LMBRD1: variants seen among roughly 807,000 people sequenced by gnomAD.
The protein encoded by LMBRD1 is lysosomal cobalamin transport escort protein LMBD1.
A neutral mutation model predicts 74.8 loss-of-function variants in LMBRD1; 64 were observed. The observed-to-expected ratio is 0.86, with a 90% CI of 0.70 to 1.05. LMBRD1 has a LOEUF of 1.05. Among genes scored for constraint, LMBRD1 ranks in the 50% least tolerant of loss-of-function variants. LMBRD1 has a pLI of 0.00. For synonymous variants in LMBRD1, 204 were observed against 216.3 expected (o/e 0.94, Z 0.50); for missense variants, 652 against 645.9 (o/e 1.01, Z -0.10).
At chr6:69,759,530 A>C (rs1765334743) in intron 3 of LMBRD1, among the ~76,000 whole-genome samples, 1 of 152,160 alleles carries the variant, frequency 6.6e-6, no homozygotes, top group East Asian at 1.9e-4. Flanking sequence ...AAATTAGTTT[A>C]AGTATAATCT....
chr6:69,795,234 T>A (rs977844536), intron 1 of LMBRD1, among the ~76,000 whole-genome samples: 1 of 152,250 alleles, frequency 6.6e-6, no homozygotes, highest in Non-Finnish European at 1.5e-5. Flanking sequence ...CAACATTCAA[T>A]TCTGATTTTA....
At chr6:69,719,831 T>C (rs1294413443) in intron 7 of LMBRD1, among the ~76,000 whole-genome samples, 1 of 152,206 alleles carries the variant, frequency 6.6e-6, no homozygotes, top group Non-Finnish European at 1.5e-5. Flanking sequence ...TACTACATTA[T>C]GTACTTAAAT....
intron 7 of LMBRD1, among the ~76,000 whole-genome samples, chr6:69,733,500 T>C (rs1188641999): frequency 6.6e-6 from 1 of 152,242 alleles, no homozygotes; most frequent in Admixed American, 6.5e-5. Context: ...GGCTCATTTT[T>C]ACAGATGGGG....
intron 9 of LMBRD1, among the ~76,000 whole-genome samples, chr6:69,710,489 T>C (rs1226199925): frequency 6.6e-6 from 1 of 152,106 alleles, no homozygotes; most frequent in Non-Finnish European, 1.5e-5. Flanking sequence ...TATAAATTAA[T>C]ATTCATCAAA....
chr6:69,789,037 T>G (rs545692315), intron 2 of LMBRD1, among the ~76,000 whole-genome samples: 2 of 152,230 alleles, frequency 1.3e-5, no homozygotes, highest in Non-Finnish European at 2.9e-5. Context: ...GTCTGACACA[T>G]AGCAAATATT....
chr6:69,711,801 C>G (rs949711965), intron 9 of LMBRD1, among the ~76,000 whole-genome samples: 6 of 152,060 alleles, frequency 3.9e-5, no homozygotes, highest in African/African-American at 1.4e-4. Context: ...ACCTGACTGA[C>G]TCATCTTTGA....
intron 1 of LMBRD1, among the ~76,000 whole-genome samples, chr6:69,794,359 C>A (rs150302152): frequency 1.3e-5 from 2 of 152,250 alleles, no homozygotes; most frequent in East Asian, 3.9e-4. Context: ...GAAATTCAAC[C>A]CTTGACTCTT....
chr6:69,692,466 T>C (rs918412168), intron 14 of LMBRD1, among the ~76,000 whole-genome samples: 2 of 152,096 alleles, frequency 1.3e-5, no homozygotes, highest in Non-Finnish European at 2.9e-5. Flanking sequence ...GAAATAAAAA[T>C]TTAGGTTAAT....
intron 7 of LMBRD1, among the ~76,000 whole-genome samples, chr6:69,722,110 C>T (rs1256834391): frequency 2.6e-5 from 4 of 152,138 alleles, no homozygotes; most frequent in South Asian, 2.1e-4. Flanking sequence ...TCAGTAGAAA[C>T]CTTACAGGCC....
At position 69,699,152 on chromosome 6, in the gene LMBRD1, A is replaced by G. The variant is rs527448701; in HGVS notation, c.1229T>C (p.Leu410Pro). 3.1e-6 allele frequency: 5 copies of G among 1,611,876 alleles called. No homozygotes were observed. Among genetic ancestry groups the G allele is most frequent in the Non-Finnish European group, 4.2e-6 (5 of 1,178,336 alleles). The change falls in exon 13 of 16, where the codon CTC (leucine) becomes CCC (proline). Residue 410 changes from leucine to proline, a missense_variant. Coordinates refer to ENST00000649934, the MANE Select transcript of LMBRD1 (RefSeq NM_018368.4). Reference sequence around the variant, plus strand: ...CAGAAGTATCATGCAGAGAAAAAGGAGTGCTTGGGGCCTGGTTCTACCTCT... The same window carrying G: ...CAGAAGTATCATGCAGAGAAAAAGGGGTGCTTGGGGCCTGGTTCTACCTCT... ...IRRGRTRPQA[L>P]LFLCMILLLI... is the part of the protein sequence containing the mutation.
At chr6:69,734,219 C>T (rs1293713398) in intron 7 of LMBRD1, among the ~76,000 whole-genome samples, 1 of 152,120 alleles carries the variant, frequency 6.6e-6, no homozygotes, top group Non-Finnish European at 1.5e-5. Context: ...CCCCTCTCTA[C>T]CTATTTAGCA....
chr6:69,763,767 A>G (rs1765421422), intron 3 of LMBRD1, among the ~76,000 whole-genome samples: 1 of 152,204 alleles, frequency 6.6e-6, no homozygotes, highest in African/African-American at 2.4e-5. Flanking sequence ...CATAGGGTCA[A>G]ACCAAAGAAG....
intron 14 of LMBRD1, 139 bp downstream of exon 14, chr6:69,697,424 A>G (rs77900614): frequency 1.5e-6 from 1 of 652,592 alleles, no homozygotes; most frequent in Admixed American, 2.3e-5. Flanking sequence ...ATTCTACTGA[A>G]GAGATTTACC....
chr6:69,755,052 C>A (rs1262026573), intron 3 of LMBRD1, among the ~76,000 whole-genome samples: 1 of 152,158 alleles, frequency 6.6e-6, no homozygotes, highest in African/African-American at 2.4e-5. Context: ...ACCAGAAATA[C>A]CATTTGACCC....
chr6:69,724,180 C>A (rs1327496716), intron 7 of LMBRD1, among the ~76,000 whole-genome samples: 3 of 151,330 alleles, frequency 2.0e-5, no homozygotes, highest in Non-Finnish European at 4.4e-5. Context: ...TAAAAGCCTC[C>A]CAATAAAGGA....
intron 1 of LMBRD1, 106 bp downstream of exon 1, chr6:69,796,707 G>A: frequency 1.9e-6 from 2 of 1,042,588 alleles, no homozygotes; most frequent in South Asian, 1.3e-5. Flanking sequence ...TAAAAGCGGG[G>A]CGGGGCGAAG....
chr6:69,737,959 C>A lies in LMBRD1; in HGVS notation c.619G>T (p.Ala207Ser), dbSNP rs768776681. 7 of 1,610,720 alleles carry A rather than the reference C, an allele frequency of 4.3e-6. No homozygotes were observed. The South Asian group carries it at 7.7e-5, about 18-fold the overall frequency. ...TCACTTACTGTGTAAGTTATAGCTG[C>A]CAACATTCCAATCAAGGTCAGAGAA... ...ISSLTLIGML[A>S]AITYTAYGMS... The change falls in exon 7 of 16, where the codon GCA becomes TCA. Residue 207 changes from alanine (A) to serine (S), a missense_variant. Ala to Ser is a moderately conservative substitution (Grantham distance 99). This residue lies in a region of LMBRD1 where 598 missense variants were observed against 581.8 expected (regional missense o/e 1.03). Transcript: ENST00000649934.
At chr6:69,778,644 C>T (rs867896810) in intron 3 of LMBRD1, among the ~76,000 whole-genome samples, 2 of 152,074 alleles carry the variant, frequency 1.3e-5, no homozygotes, top group Non-Finnish European at 2.9e-5. Context: ...GACCTCCCCC[C>T]CTAAAACTTT....
In LMBRD1 at chr6:69,790,688, A is replaced by G. The variant is rs1766062156; in HGVS notation, c.70-216T>C. 7 of 545,614 alleles carry G rather than the reference A, an allele frequency of 1.3e-5. No homozygotes were observed. In the East Asian group the frequency reaches 2.0e-4, roughly 15 times the overall value. 33.8% of individuals were successfully genotyped at this position (545,614 alleles called of 1,614,324 possible). On this transcript the variant is annotated intron_variant, in intron 1 of 15. Transcript: ENST00000649934. ...TACATCACGTATGCATACACACACA[A>G]TACTATTAATAACAGTGCTCAGCTA...
Sources: allele counts gnomAD v4.1 joint callset (sites outside exome capture counted in the v4.1 genomes callset), GRCh38; gene constraint gnomAD v4.1.1; regional missense constraint gnomAD v4.1.1; transcripts MANE v1.5; gene names NCBI Gene and HGNC (gene_info 2026-07-23, HGNC 2026-07-21).